DIAPH2: variants seen among roughly 807,000 people sequenced by gnomAD.
DIAPH2 encodes diaphanous related formin 2, also known as protein diaphanous homolog 2.
DIAPH2 carries 35 observed loss-of-function variants against 92.7 expected under a neutral mutation model. That is an observed-to-expected ratio of 0.38 (90% CI 0.29 to 0.50). The LOEUF is 0.50. Among genes scored for constraint, DIAPH2 ranks in the 20% least tolerant of loss-of-function variants. The pLI is 0.94. For synonymous variants in DIAPH2, 301 were observed against 280.4 expected (o/e 1.07, Z -0.73); for missense variants, 701 against 819.5 (o/e 0.86, Z 1.77).
intron 21 of DIAPH2, among the ~76,000 whole-genome samples, chrX:97,138,871 C>G (rs2067191020): frequency 9.0e-6 from 1 of 111,255 alleles, no homozygotes; most frequent in Admixed American, 9.6e-5. Context: ...CTGGCTAGAG[C>G]AAACCTTGAA....
At chrX:97,338,275 C>G (rs977925920) in intron 23 of DIAPH2, among the ~76,000 whole-genome samples, 2 of 111,747 alleles carry the variant, frequency 1.8e-5, no homozygotes, top group Non-Finnish European at 3.8e-5. Context: ...CCATATTATC[C>G]TTGTTAATGC....
At chrX:96,721,107 T>A (rs1377330045) in intron 1 of DIAPH2, among the ~76,000 whole-genome samples, 1 of 111,476 alleles carries the variant, frequency 9.0e-6, no homozygotes, top group African/African-American at 3.3e-5. Flanking sequence ...CTTGAAATCA[T>A]CAAGTACCTG....
chrX:97,372,300 AAC>A (rs1346505924), intron 24 of DIAPH2, among the ~76,000 whole-genome samples: 4 of 112,471 alleles, frequency 3.6e-5, no homozygotes, highest in African/African-American at 1.3e-4. Context: ...ATTTGCACAT[AAC>A]AGTCTTTTTT....
chrX:97,313,390 A>T (rs761973556), intron 23 of DIAPH2, among the ~76,000 whole-genome samples: 1 of 111,782 alleles, frequency 8.9e-6, no homozygotes, highest in African/African-American at 3.2e-5. Context: ...ATAGAAAAAT[A>T]ACTTTATATC....
chrX:97,214,853 A>G (rs113324222), intron 22 of DIAPH2, among the ~76,000 whole-genome samples: 3 of 109,469 alleles, frequency 2.7e-5, no homozygotes, highest in Non-Finnish European at 5.7e-5. Context: ...AAAAAAAAAA[A>G]AAAAAAAATC....
chrX:97,349,806 A>T (rs12836912), intron 24 of DIAPH2, among the ~76,000 whole-genome samples: 2 of 109,406 alleles, frequency 1.8e-5, no homozygotes, highest in East Asian at 2.9e-4. Flanking sequence ...TAAGAGAAGT[A>T]GTCAAATCAT....
intron 23 of DIAPH2, among the ~76,000 whole-genome samples, chrX:97,287,286 CAG>C (rs1482130502): frequency 2.8e-5 from 3 of 108,167 alleles, no homozygotes; most frequent in Non-Finnish European, 5.7e-5. Context: ...GCCTGGGCAA[CAG>C]AGTGAAACTC....
rs2064552126 is a variant in DIAPH2, at chrX:96,797,775, TAAG to T, written c.447+39521_447+39523del. 8.0e-5 allele frequency among the ~76,000 whole-genome samples: 9 copies of T among 112,825 alleles called. No homozygotes were observed. In the Admixed American group the frequency reaches 8.4e-4, roughly 11 times the overall value. On this transcript the variant is annotated intron_variant, in intron 4 of 26. Coordinates refer to ENST00000324765, the MANE Select transcript of DIAPH2 (RefSeq NM_006729.5). The stretch of plus-strand genomic sequence containing the variant: ...AAATGTGGAGTTGCATTGTTTTTGA[TAAG>T]AAGTCACCAATCATTTTAAACTCTG...
At chrX:96,888,581 C>CTATATATATA (rs72073544) in intron 5 of DIAPH2, among the ~76,000 whole-genome samples, 3 of 92,045 alleles carry the variant, frequency 3.3e-5, no homozygotes, top group African/African-American at 8.0e-5. Flanking sequence ...ATATATATAT[C>CTATATATATA]TATATATATA....
chrX:97,175,878 G>A (rs988972801), intron 22 of DIAPH2, among the ~76,000 whole-genome samples: 11 of 112,244 alleles, frequency 9.8e-5, no homozygotes, highest in African/African-American at 3.2e-4. Flanking sequence ...TACTTTTCAG[G>A]TATATGATGA....
intron 26 of DIAPH2, among the ~76,000 whole-genome samples, chrX:97,508,966 C>CA (rs746884017): frequency 0.018 from 1,809 of 101,727 alleles, 17 homozygotes; most frequent in African/African-American, 0.036. Context: ...ACAACAACAA[C>CA]AAAAAAAAAA....
rs747319933 is a variant in DIAPH2 at position 97,512,385 on chromosome X, T to G, written c.3241+82640T>G. On this transcript the variant is annotated intron_variant, in intron 26 of 26. Transcript: ENST00000324765. ...CTTTATCATTTTTTATTGCGTCTAT[T>G]TGATTCTTCTCTCTTTTCTTCTTTA... 3.5e-5 allele frequency among the ~76,000 whole-genome samples: 4 copies of G among 112,762 alleles called. No homozygotes were observed. In the South Asian group the frequency reaches 1.4e-3, roughly 40 times the overall value.
intron 22 of DIAPH2, among the ~76,000 whole-genome samples, chrX:97,180,236 G>A (rs1193650951): frequency 8.9e-6 from 1 of 112,064 alleles, no homozygotes; most frequent in Non-Finnish European, 1.9e-5. Context: ...GTTTTGATTT[G>A]CATTTCTCTA....
In DIAPH2 at chrX:96,906,507, A is replaced by T. The variant is rs938578458; in HGVS notation, c.588-5821A>T. ...TAATGGCTTTATTGTGATGTTTTAT[A>T]TACATTATTTCATTTAATAGTCACA... On this transcript the variant is annotated intron_variant, in intron 5 of 26. Transcript: ENST00000324765. Among the ~76,000 whole-genome samples the T allele has an allele frequency of 2.7e-5, 3 of 112,198 alleles. No homozygotes were observed. In the Admixed American group the frequency reaches 2.8e-4, roughly 11 times the overall value.
rs112803817 is a variant in DIAPH2 at position 97,085,778 on chromosome X, A to C, written c.2247+10517A>C. ...TGTGACCCATTCAGAATAACTAGTT[A>C]GGATTTAATATCAACTTTGAGTATT... On this transcript the variant is annotated intron_variant, in intron 19 of 26. Coordinates refer to ENST00000324765, the MANE Select transcript of DIAPH2 (RefSeq NM_006729.5). Among the ~76,000 whole-genome samples the C allele has an allele frequency of 9.9e-3, 1,111 of 112,202 alleles. 18 individuals carry two copies. Among genetic ancestry groups the C allele is most frequent in the African/African-American group, 0.034 (1,058 of 30,870 alleles).
chrX:97,179,129 A>G (rs1949409943), intron 22 of DIAPH2, among the ~76,000 whole-genome samples: 1 of 111,288 alleles, frequency 9.0e-6, no homozygotes, highest in Admixed American at 9.6e-5. Flanking sequence ...TATTTACCAT[A>G]TAACTTGTAA....
chrX:97,181,405 T>C (rs1263923630), intron 22 of DIAPH2, among the ~76,000 whole-genome samples: 1 of 110,121 alleles, frequency 9.1e-6, no homozygotes, highest in Non-Finnish European at 1.9e-5. Context: ...TGTGTTGTTG[T>C]TGTTGTTGTT....
chrX:97,329,157 G>A (rs1256451614), intron 23 of DIAPH2, among the ~76,000 whole-genome samples: 1 of 112,276 alleles, frequency 8.9e-6, no homozygotes, highest in Non-Finnish European at 1.9e-5. Flanking sequence ...ACACTGCAAT[G>A]TAACTGATTT....
At chrX:96,839,723 A>T (rs1177596429) in intron 4 of DIAPH2, among the ~76,000 whole-genome samples, 1 of 112,017 alleles carries the variant, frequency 8.9e-6, no homozygotes, top group Non-Finnish European at 1.9e-5. Context: ...CTTAAATTTC[A>T]TGTTCTTAAA....
Sources: allele counts gnomAD v4.1 joint callset (sites outside exome capture counted in the v4.1 genomes callset), GRCh38; gene constraint gnomAD v4.1.1; transcripts MANE v1.5; gene names NCBI Gene and HGNC (gene_info 2026-07-23, HGNC 2026-07-21).